Variants in RNLS observed in about 807,000 individuals in gnomAD.
The protein encoded by RNLS is renalase.
RNLS carries 39 observed loss-of-function variants against 39.8 expected under a neutral mutation model. The observed-to-expected ratio is 0.98, with a 90% CI of 0.76 to 1.28. The LOEUF is 1.28. RNLS is among the 50% of genes most tolerant of loss of function. The probability of loss-of-function intolerance (pLI) is 0.00; values close to 1 mark genes in which losing one functional copy is unlikely to be tolerated. For synonymous variants in RNLS, 147 were observed against 150.7 expected (o/e 0.98, Z 0.18); for missense variants, 410 against 413.3 (o/e 0.99, Z 0.07).
intron 4 of RNLS, among the ~76,000 whole-genome samples, chr10:88,384,747 C>T (rs1033853428): frequency 6.6e-6 from 1 of 152,112 alleles, no homozygotes; most frequent in Non-Finnish European, 1.5e-5. Context: ...GAACAGTTCC[C>T]AATTCAGCTG....
chr10:88,275,928 C>G (rs1434154555), intron 6 of RNLS, among the ~76,000 whole-genome samples: 1 of 151,908 alleles, frequency 6.6e-6, no homozygotes, highest in African/African-American at 2.4e-5. Flanking sequence ...GGGGTGTGTG[C>G]CTGTAGTCCC....
rs537682232 is a variant in RNLS at position 88,486,628 on chromosome 10, A to G, written c.526+86275T>C. Among the ~76,000 whole-genome samples, 111 of 152,326 alleles carry G rather than the reference A, an allele frequency of 7.3e-4. 1 individual carries two copies. Among genetic ancestry groups the G allele is most frequent in the African/African-American group, 2.6e-3 (108 of 41,576 alleles). ...TAAAAAAAGCTCAACATCACTGATC[A>G]CTAGAGAACTGCAAATCAAAACCAC... On this transcript the variant is annotated intron_variant, in intron 4 of 6. Coordinates refer to ENST00000331772, the MANE Select transcript of RNLS (RefSeq NM_001031709.3).
At chr10:88,175,915 C>T in the RNLS span, among the ~76,000 whole-genome samples, 3 of 152,066 alleles carry the variant, frequency 2.0e-5, no homozygotes, top group Non-Finnish European at 4.4e-5. Context: ...TATGAGTGTG[C>T]TCTGGTGTTG....
At chr10:88,314,035 T>C (rs1023802688) in intron 6 of RNLS, among the ~76,000 whole-genome samples, 1 of 152,138 alleles carries the variant, frequency 6.6e-6, no homozygotes, top group Admixed American at 6.6e-5. Context: ...GGAAACTTAA[T>C]AAAAATGAAA....
At chr10:88,348,823 C>A (rs928307463) in intron 5 of RNLS, among the ~76,000 whole-genome samples, 6 of 152,084 alleles carry the variant, frequency 3.9e-5, no homozygotes, top group Non-Finnish European at 2.9e-5. Flanking sequence ...ATAACTTTTC[C>A]TTTGAAAGCT....
At chr10:88,287,036 G>T (rs1843323282) in intron 6 of RNLS, among the ~76,000 whole-genome samples, 2 of 151,970 alleles carry the variant, frequency 1.3e-5, no homozygotes, top group Non-Finnish European at 2.9e-5. Flanking sequence ...CTATTCTCCT[G>T]TCTTGGCTTC....
chr10:88,464,928 T>C (rs867971063), intron 4 of RNLS, among the ~76,000 whole-genome samples: 40 of 152,204 alleles, frequency 2.6e-4, no homozygotes, highest in South Asian at 8.3e-4. Flanking sequence ...GTTTATCTCA[T>C]CCATACAGCA....
At chr10:88,181,030 C>G in the RNLS span, among the ~76,000 whole-genome samples, 2 of 152,156 alleles carry the variant, frequency 1.3e-5, no homozygotes, top group Non-Finnish European at 2.9e-5. Context: ...TCCCTGGAAT[C>G]TGTGAATATG....
At chr10:88,252,282 C>G in the RNLS span, among the ~76,000 whole-genome samples, 23 of 151,886 alleles carry the variant, frequency 1.5e-4, no homozygotes, top group Middle Eastern at 0.01. Context: ...TTAGATTGAC[C>G]TCACTTGTTC....
At chr10:88,542,422 G>A (rs901492368) in intron 4 of RNLS, among the ~76,000 whole-genome samples, 2 of 152,230 alleles carry the variant, frequency 1.3e-5, no homozygotes, top group East Asian at 3.9e-4. Context: ...AAAAGACAAC[G>A]TGTACATCTT....
At chr10:88,460,187 T>A (rs1230241204) in intron 4 of RNLS, among the ~76,000 whole-genome samples, 1 of 152,184 alleles carries the variant, frequency 6.6e-6, no homozygotes, top group Admixed American at 6.6e-5. Flanking sequence ...AAGATGCTAG[T>A]AAAACATCCC....
rs36061512 is a variant in RNLS, at chr10:88,338,758, C to CTTT, written c.700+23791_700+23793dup. ...AGTGACAGTAGGAAAGCTAGATTTC[C>CTTT]TTTTTTTTTTTTTTTTTTTTTTGAG... On this transcript the variant is annotated intron_variant, in intron 5 of 6. Coordinates refer to ENST00000331772, the MANE Select transcript of RNLS (RefSeq NM_001031709.3). Among the ~76,000 whole-genome samples the CTTT allele has an allele frequency of 3.1e-3, 350 of 112,418 alleles. 3 individuals carry two copies. Among genetic ancestry groups the CTTT allele is most frequent in the Middle Eastern group, 5.3e-3 (1 of 190 alleles). 73.8% of individuals were successfully genotyped at this position (112,418 alleles called of 152,430 possible).
the RNLS span, among the ~76,000 whole-genome samples, chr10:88,179,770 G>A: frequency 6.6e-6 from 1 of 152,190 alleles, no homozygotes; most frequent in Admixed American, 6.5e-5. Context: ...CTACTGATAG[G>A]ACATGGTCTT....
At chr10:88,340,028 T>G (rs1472477759) in intron 5 of RNLS, among the ~76,000 whole-genome samples, 1 of 152,256 alleles carries the variant, frequency 6.6e-6, no homozygotes, top group African/African-American at 2.4e-5. Flanking sequence ...CACCTCGTTC[T>G]TAGGACTTGA....
the RNLS span, among the ~76,000 whole-genome samples, chr10:88,265,323 CTTTTTTTTTTTTTTTTT>C: frequency 3.4e-5 from 2 of 59,068 alleles, no homozygotes; most frequent in South Asian, 7.5e-4. Context: ...CAGGGTTTTT[CTTTTTTTTTTTTTTTTT>C]TTTTTTTGGT....
rs1466341673 is a variant in RNLS at position 88,444,259 on chromosome 10, T to C, written c.527-81534A>G. On this transcript the variant is annotated intron_variant, in intron 4 of 6. Coordinates refer to ENST00000331772, the MANE Select transcript of RNLS (RefSeq NM_001031709.3). ...ATTCCAACAGACCTGCAGCTGAGGGTCCTGACTGTTAGAAGGAAAACTAAC... is the reference window on the plus strand; with the variant it reads ...ATTCCAACAGACCTGCAGCTGAGGGCCCTGACTGTTAGAAGGAAAACTAAC... Among the ~76,000 whole-genome samples the C allele has an allele frequency of 4.6e-5, 7 of 152,152 alleles. No individual in the cohort carries two copies. The East Asian group carries it at 1.4e-3, about 29-fold the overall frequency.
At chr10:88,174,895 C>T in the RNLS span, among the ~76,000 whole-genome samples, 1 of 152,108 alleles carries the variant, frequency 6.6e-6, no homozygotes, top group African/African-American at 2.4e-5. Flanking sequence ...TTGTGGACTT[C>T]TCTTTGTTGG....
At chr10:88,550,238 T>G (rs1224265769) in intron 4 of RNLS, among the ~76,000 whole-genome samples, 1 of 152,230 alleles carries the variant, frequency 6.6e-6, no homozygotes, top group Non-Finnish European at 1.5e-5. Context: ...AGTTTACTTT[T>G]CTTAATGAAA....
the RNLS span, among the ~76,000 whole-genome samples, chr10:88,225,934 T>G: frequency 6.6e-6 from 1 of 152,118 alleles, no homozygotes; most frequent in African/African-American, 2.4e-5. Context: ...TTCATCTCAC[T>G]AAGAACTAGG....
Sources: gnomAD v4.1 joint callset for allele counts (sites outside exome capture counted in the v4.1 genomes callset) on GRCh38, gnomAD v4.1.1 for gene constraint, MANE v1.5 for transcripts, NCBI Gene and HGNC (gene_info 2026-07-23, HGNC 2026-07-21) for gene names.